The following PARD3 variants were observed in gnomAD, a reference collection of about 807,000 sequenced individuals.
PARD3 encodes par-3 family cell polarity regulator.
Under a neutral mutation model 155.4 loss-of-function variants are expected in PARD3, and 75 were observed. That is an observed-to-expected ratio of 0.48 (90% CI 0.40 to 0.58). The LOEUF is 0.58. PARD3 is among the 20% of genes least tolerant of loss of function. The pLI, the probability that PARD3 is intolerant of heterozygous loss-of-function variation, is 0.00. For synonymous variants in PARD3, 576 were observed against 610.5 expected (o/e 0.94, Z 0.83); for missense variants, 1,642 against 1,721.7 (o/e 0.95, Z 0.82).
intron 5 of PARD3, among the ~76,000 whole-genome samples, chr10:34,412,562 G>T (rs1385457359): frequency 7.9e-5 from 12 of 152,150 alleles, no homozygotes; most frequent in Non-Finnish European, 1.5e-5. Context: ...AACACAGAAT[G>T]TCCATTTCAA....
At chr10:34,341,558 G>T in intron 16 of PARD3, 69 bp downstream of exon 16, 1 of 1,230,410 alleles carries the variant, frequency 8.1e-7, no homozygotes, top group Non-Finnish European at 1.2e-6. Flanking sequence ...GTATTTAGCA[G>T]TAAGCCACTT....
chr10:34,462,838 A>C (rs2077737045), intron 4 of PARD3, among the ~76,000 whole-genome samples: 1 of 149,584 alleles, frequency 6.7e-6, no homozygotes, highest in South Asian at 2.2e-4. Flanking sequence ...CAGTGGCAAA[A>C]GAAAAGGAAA....
At chr10:34,755,118 G>A (rs761935331) in intron 1 of PARD3, among the ~76,000 whole-genome samples, 3 of 151,998 alleles carry the variant, frequency 2.0e-5, no homozygotes, top group South Asian at 2.1e-4. Context: ...TTGCTGGGCC[G>A]AGGCTGGGCG....
rs1337694978 is a variant in PARD3, at chr10:34,664,177, A to G, written c.222+32141T>C. The G allele has an allele frequency of 2.0e-5, 3 of 152,134 alleles. No individual in the cohort carries two copies. The East Asian group carries it at 5.8e-4, about 29-fold the overall frequency. The allele number at this position is 152,134 out of a possible 1,614,324, so 9.4% of individuals were successfully genotyped here. On this transcript the variant is annotated intron_variant, in intron 2 of 24. Coordinates refer to ENST00000374788, the MANE Select transcript of PARD3 (RefSeq NM_001184785.2). ...ATATATTTGGTTATGTCACTGTCTGAATCAATAGCAAAGGCAATCGAAAAC... is the reference window on the plus strand; with the variant it reads ...ATATATTTGGTTATGTCACTGTCTGGATCAATAGCAAAGGCAATCGAAAAC...
At chr10:34,397,544 G>A (rs983660236) in intron 7 of PARD3, among the ~76,000 whole-genome samples, 2 of 152,264 alleles carry the variant, frequency 1.3e-5, no homozygotes, top group Middle Eastern at 3.4e-3. Context: ...AATCTGTTTG[G>A]TGTATCAAAA....
intron 2 of PARD3, among the ~76,000 whole-genome samples, chr10:34,555,735 T>TG (rs2134006163): frequency 6.6e-6 from 1 of 152,274 alleles, no homozygotes; most frequent in East Asian, 1.9e-4. Flanking sequence ...CTCCATTCTC[T>TG]GGGAAATACC....
chr10:34,598,619 G>T (rs187204258), intron 2 of PARD3, among the ~76,000 whole-genome samples: 2 of 152,080 alleles, frequency 1.3e-5, no homozygotes, highest in Non-Finnish European at 2.9e-5. Context: ...CTATTATTAC[G>T]CATGCTTCAT....
intron 22 of PARD3, among the ~76,000 whole-genome samples, chr10:34,152,008 T>C (rs772871080): frequency 2.7e-4 from 41 of 152,176 alleles, no homozygotes; most frequent in Non-Finnish European, 5.1e-4. Flanking sequence ...TAACTAAATA[T>C]TATAATACTT....
In PARD3 at chr10:34,687,846, C is replaced by CTTTTTTTTTTTTTTTTTTTTT. The variant is rs397846339; in HGVS notation, c.222+8451_222+8471dup. Among the ~76,000 whole-genome samples, 4 of 63,722 alleles carry CTTTTTTTTTTTTTTTTTTTTT rather than the reference C, an allele frequency of 6.3e-5. 1 individual carries two copies. Among genetic ancestry groups the CTTTTTTTTTTTTTTTTTTTTT allele is most frequent in the African/African-American group, 2.9e-4 (4 of 13,806 alleles). The allele number at this position is 63,722 out of a possible 152,430, so 41.8% of individuals were successfully genotyped here. On this transcript the variant is annotated intron_variant, in intron 2 of 24. Transcript: ENST00000374788. Reference sequence around the variant, plus strand: ...ATGCCCGGTCAGTTACACCTGAAATCTTTTTTTTTTTTTTTTTTTTTTTTT... The same window carrying CTTTTTTTTTTTTTTTTTTTTT: ...ATGCCCGGTCAGTTACACCTGAAATCTTTTTTTTTTTTTTTTTTTTTTTTTTTTTTTTTTTTTTTTTTTTTT...
chr10:34,368,839 T>TTAAA (rs771653938), intron 12 of PARD3, among the ~76,000 whole-genome samples: 16 of 108,618 alleles, frequency 1.5e-4, no homozygotes, highest in African/African-American at 5.2e-4. Context: ...ATGAGCAATG[T>TTAAA]AAAAAAAAAA....
chr10:34,727,922 C>T (rs2094747611), intron 1 of PARD3, among the ~76,000 whole-genome samples: 1 of 150,760 alleles, frequency 6.6e-6, no homozygotes, highest in South Asian at 2.1e-4. Context: ...TCCATCCAAC[C>T]CCTCCAGACT....
intron 24 of PARD3, among the ~76,000 whole-genome samples, chr10:34,116,518 C>T (rs556279286): frequency 6.6e-6 from 1 of 152,184 alleles, no homozygotes; most frequent in Non-Finnish European, 1.5e-5. Context: ...GCTTTCTTTC[C>T]CTTCCCTCAG....
intron 10 of PARD3, among the ~76,000 whole-genome samples, chr10:34,375,398 T>C (rs1841126684): frequency 6.6e-6 from 1 of 152,122 alleles, no homozygotes; most frequent in African/African-American, 2.4e-5. Flanking sequence ...AATAAAAAGG[T>C]GTTGCTCTTA....
chr10:34,735,077 T>A (rs990037048), intron 1 of PARD3, among the ~76,000 whole-genome samples: 5 of 151,198 alleles, frequency 3.3e-5, no homozygotes, highest in African/African-American at 1.2e-4. Context: ...AACAGTAAAA[T>A]TCCCTGGTGC....
At chr10:34,236,106 C>T (rs1445807137) in intron 22 of PARD3, among the ~76,000 whole-genome samples, 1 of 152,098 alleles carries the variant, frequency 6.6e-6, no homozygotes, top group African/African-American at 2.4e-5. Context: ...AAGTACAAGG[C>T]TAGTTTTGGG....
intron 2 of PARD3, among the ~76,000 whole-genome samples, chr10:34,632,662 T>C (rs2092317351): frequency 6.6e-6 from 1 of 152,188 alleles, no homozygotes; most frequent in Non-Finnish European, 1.5e-5. Context: ...GCTAAAAATG[T>C]ATATTTTGAA....
intron 22 of PARD3, among the ~76,000 whole-genome samples, chr10:34,169,041 G>A (rs1949667254): frequency 6.6e-6 from 1 of 152,154 alleles, no homozygotes; most frequent in Non-Finnish European, 1.5e-5. Context: ...TTAGATTTTG[G>A]TGCTGAGCTT....
chr10:34,661,669 C>T (rs933199783), intron 2 of PARD3, among the ~76,000 whole-genome samples: 1 of 152,156 alleles, frequency 6.6e-6, no homozygotes, highest in Non-Finnish European at 1.5e-5. Context: ...AAAAATTGGG[C>T]CTGGCTATGG....
intron 22 of PARD3, among the ~76,000 whole-genome samples, chr10:34,214,696 A>C (rs935111759): frequency 2.0e-5 from 3 of 152,240 alleles, no homozygotes; most frequent in Non-Finnish European, 4.4e-5. Flanking sequence ...GTGGTTGTTT[A>C]CATCGGGTTC....
Sources: gnomAD v4.1 joint callset for allele counts (sites outside exome capture counted in the v4.1 genomes callset) on GRCh38, gnomAD v4.1.1 for gene constraint, MANE v1.5 for transcripts, NCBI Gene and HGNC (gene_info 2026-07-23, HGNC 2026-07-21) for gene names.